The following TFDP2 variants were observed in gnomAD, a reference collection of about 807,000 sequenced individuals.
TFDP2 encodes transcription factor Dp-2, also known as transcription factor Dp-2 (E2F dimerization partner 2).
In TFDP2, 17 loss-of-function variants were observed where a neutral mutation model predicts 59.3. That is an observed-to-expected ratio of 0.29 (90% CI 0.20 to 0.43). The LOEUF is 0.43. TFDP2 is among the 20% of genes least tolerant of loss of function. The pLI is 1.00. For missense variants in TFDP2, 391 were observed against 528.8 expected (o/e 0.74, Z 2.56); for synonymous variants, 180 against 194.7 (o/e 0.92, Z 0.63).
chr3:142,053,546 C>T (rs2108495774), intron 3 of TFDP2, among the ~76,000 whole-genome samples: 1 of 152,220 alleles, frequency 6.6e-6, no homozygotes, highest in South Asian at 2.1e-4. Context: ...CCTCATGAGT[C>T]CTTTATAGCA....
chr3:141,997,157 G>T (rs1943345461), intron 4 of TFDP2, among the ~76,000 whole-genome samples: 1 of 152,148 alleles, frequency 6.6e-6, no homozygotes, highest in African/African-American at 2.4e-5. Context: ...CCTTTGCAGG[G>T]TTTAACACAG....
chr3:142,138,822 G>C (rs140560608), intron 1 of TFDP2, among the ~76,000 whole-genome samples: 1 of 152,328 alleles, frequency 6.6e-6, no homozygotes, highest in East Asian at 1.9e-4. Flanking sequence ...GTGTGATATG[G>C]TGCTGAGAAG....
At chr3:142,081,517 G>C (rs1013171315) in intron 3 of TFDP2, among the ~76,000 whole-genome samples, 1 of 151,912 alleles carries the variant, frequency 6.6e-6, no homozygotes, top group African/African-American at 2.4e-5. Context: ...TGAAACACAG[G>C]AAACAATGCA....
chr3:141,946,343 C>A lies in TFDP2; in HGVS notation c.*6170G>T, dbSNP rs1935248520. On this transcript the variant is annotated 3_prime_UTR_variant, in exon 13 of 13. Transcript: ENST00000489671. ...AGCTATAAGCAGTGAAGACCAAAGT[C>A]TAACCTGCTGAAACAGCAAGGGGCA... 1 of 152,266 alleles carries A rather than the reference C, an allele frequency of 6.6e-6. No homozygotes were observed. Among genetic ancestry groups the A allele is most frequent in the South Asian group, 2.1e-4 (1 of 4,832 alleles). The allele number at this position is 152,266 out of a possible 1,614,324, so 9.4% of individuals were successfully genotyped here. A position where few individuals can be genotyped will look rare whatever the true frequency, so the allele number is the denominator to read the frequency against.
intron 9 of TFDP2, among the ~76,000 whole-genome samples, chr3:141,965,578 AG>A (rs1559930882): frequency 5.7e-5 from 8 of 140,944 alleles, no homozygotes; most frequent in African/African-American, 1.6e-4. Flanking sequence ...GGGAAGGGGA[AG>A]GGGAAGGAAA....
In TFDP2 at chr3:141,949,728, G is replaced by A. The variant is rs11569297; in HGVS notation, c.*2785C>T. ...CAATCAGTGTGTGCCAGCAGCCCTG[G>A]GAGGAGTGATCTGTGTGTGGCAAGT... On this transcript the variant is annotated 3_prime_UTR_variant, in exon 13 of 13. Coordinates refer to ENST00000489671, the MANE Select transcript of TFDP2 (RefSeq NM_001178139.2). 1.3e-5 allele frequency: 2 copies of A among 152,240 alleles called. No individual in the cohort carries two copies. The highest frequency in any genetic ancestry group is 2.4e-5 in the African/African-American group (1 of 41,388). The allele number at this position is 152,240 out of a possible 1,614,324, so 9.4% of individuals were successfully genotyped here. A position where few individuals can be genotyped will look rare whatever the true frequency, so the allele number is the denominator to read the frequency against.
intron 7 of TFDP2, among the ~76,000 whole-genome samples, chr3:141,978,307 T>C (rs1440340713): frequency 1.3e-5 from 2 of 151,080 alleles, no homozygotes; most frequent in Non-Finnish European, 2.9e-5. Context: ...ATCGCGCCAC[T>C]GAACTCCAGC....
At chr3:142,053,237 A>G (rs1193426896) in intron 3 of TFDP2, among the ~76,000 whole-genome samples, 2 of 152,150 alleles carry the variant, frequency 1.3e-5, no homozygotes, top group African/African-American at 4.8e-5. Context: ...TCAATGTTGG[A>G]GGTGGGGCCT....
chr3:142,110,912 C>T (rs141384213), intron 1 of TFDP2, among the ~76,000 whole-genome samples: 10 of 151,662 alleles, frequency 6.6e-5, no homozygotes, highest in East Asian at 5.9e-4. Context: ...ATGATCATGC[C>T]ACTGCACTCC....
chr3:142,015,378 A>G (rs936344310), intron 3 of TFDP2, among the ~76,000 whole-genome samples: 3 of 152,138 alleles, frequency 2.0e-5, no homozygotes, highest in Non-Finnish European at 4.4e-5. Context: ...AACTTAACAT[A>G]TCCAAAATCT....
At chr3:141,979,271 G>T (rs1242919896) in intron 6 of TFDP2, among the ~76,000 whole-genome samples, 1 of 152,154 alleles carries the variant, frequency 6.6e-6, no homozygotes, top group African/African-American at 2.4e-5. Context: ...TCCTATAAAA[G>T]TCTAGCACAT....
intron 1 of TFDP2, among the ~76,000 whole-genome samples, chr3:142,140,832 A>C (rs1378528873): frequency 6.6e-6 from 1 of 152,162 alleles, no homozygotes; most frequent in Non-Finnish European, 1.5e-5. Flanking sequence ...GTTAGGCTAC[A>C]CGGGTGTCAG....
Position 141,949,731 on chromosome 3 carries a change from G to A in TFDP2, c.*2782C>T, listed in dbSNP as rs1935717296. 1 of 152,054 alleles carries A rather than the reference G, an allele frequency of 6.6e-6. No individual in the cohort carries two copies. Among genetic ancestry groups the A allele is most frequent in the Non-Finnish European group, 1.5e-5 (1 of 68,228 alleles). 9.4% of individuals were successfully genotyped at this position (152,054 alleles called of 1,614,324 possible). The stretch of plus-strand genomic sequence containing the variant: ...TCAGTGTGTGCCAGCAGCCCTGGGA[G>A]GAGTGATCTGTGTGTGGCAAGTAAC... On this transcript the variant is annotated 3_prime_UTR_variant, in exon 13 of 13. Coordinates refer to ENST00000489671, the MANE Select transcript of TFDP2 (RefSeq NM_001178139.2).
intron 4 of TFDP2, among the ~76,000 whole-genome samples, chr3:142,004,396 T>TA (rs1031655829): frequency 6.6e-6 from 1 of 152,212 alleles, no homozygotes; most frequent in African/African-American, 2.4e-5. Flanking sequence ...ACATTATGGG[T>TA]AAAATTTATC....
chr3:142,136,096 T>G (rs563494317), intron 1 of TFDP2, among the ~76,000 whole-genome samples: 1 of 152,202 alleles, frequency 6.6e-6, no homozygotes, highest in East Asian at 1.9e-4. Flanking sequence ...ATCGCTGTTC[T>G]GACTGGTGTG....
chr3:142,049,604 G>C (rs1199100184), intron 3 of TFDP2, among the ~76,000 whole-genome samples: 1 of 151,604 alleles, frequency 6.6e-6, no homozygotes, highest in African/African-American at 2.4e-5. Context: ...GAACTAGAGG[G>C]CTTAGCCAGT....
At chr3:142,133,580 C>T (rs1577059800) in intron 1 of TFDP2, among the ~76,000 whole-genome samples, 1 of 151,108 alleles carries the variant, frequency 6.6e-6, no homozygotes. Flanking sequence ...TCACTGCAGC[C>T]TCCGCCTCCC....
chr3:142,050,274 A>T (rs996402680), intron 3 of TFDP2, among the ~76,000 whole-genome samples: 3 of 150,584 alleles, frequency 2.0e-5, no homozygotes, highest in Non-Finnish European at 3.0e-5. Context: ...AAAAAAAAAA[A>T]AATAATAAAA....
intron 3 of TFDP2, among the ~76,000 whole-genome samples, chr3:142,010,695 C>T (rs549238647): frequency 0.025 from 3,682 of 148,994 alleles, 139 homozygotes; most frequent in African/African-American, 0.085. Flanking sequence ...ACTCGTCTGA[C>T]AAAGGGCTAA....
Sources: allele counts gnomAD v4.1 joint callset (sites outside exome capture counted in the v4.1 genomes callset), GRCh38; gene constraint gnomAD v4.1.1; transcripts MANE v1.5; gene names NCBI Gene and HGNC (gene_info 2026-07-23, HGNC 2026-07-21).